The following MTA3 variants were observed in gnomAD, a reference collection of about 807,000 sequenced individuals.
MTA3 encodes metastasis-associated protein MTA3.
Under a neutral mutation model 83.5 loss-of-function variants are expected in MTA3, and 34 were observed. That is an observed-to-expected ratio of 0.41 (90% CI 0.31 to 0.54). The LOEUF is 0.54. MTA3 is among the 20% of genes least tolerant of loss of function. MTA3 has a pLI of 0.33. For missense variants in MTA3, 761 were observed against 726.4 expected, an observed-to-expected ratio of 1.05 and a Z score of -0.55; for synonymous variants, 303 against 252.7, an observed-to-expected ratio of 1.20 and a Z score of -1.89.
chr2:42,642,456 G>C (rs1687776881), intron 5 of MTA3, among the ~76,000 whole-genome samples: 1 of 151,738 alleles, frequency 6.6e-6, no homozygotes, highest in African/African-American at 2.4e-5. Flanking sequence ...AGGAGTTTGA[G>C]ACCAGCCCAG....
intron 2 of MTA3, among the ~76,000 whole-genome samples, chr2:42,522,806 CT>C (rs1173170546): frequency 3.3e-3 from 388 of 116,146 alleles, no homozygotes; most frequent in Middle Eastern, 0.013. Context: ...AACATGTGGT[CT>C]TTTTTTTTTT....
At chr2:42,690,627 C>G (rs1265459097) in intron 9 of MTA3, among the ~76,000 whole-genome samples, 2 of 147,588 alleles carry the variant, frequency 1.4e-5, no homozygotes, top group African/African-American at 4.9e-5. Flanking sequence ...TTAGATTTTT[C>G]AGGTTCATAG....
intron 3 of MTA3, among the ~76,000 whole-genome samples, chr2:42,582,825 T>C (rs1679824082): frequency 6.6e-6 from 1 of 152,152 alleles, no homozygotes; most frequent in African/African-American, 2.4e-5. Context: ...AAAATAAATT[T>C]TAAGGAACTT....
intron 4 of MTA3, among the ~76,000 whole-genome samples, chr2:42,624,619 C>T (rs1383962256): frequency 6.6e-6 from 1 of 151,940 alleles, no homozygotes; most frequent in Non-Finnish European, 1.5e-5. Flanking sequence ...AGCCACTGTG[C>T]CCAGCCTCTT....
At chr2:42,726,477 GT>G (rs1347612088) in intron 16 of MTA3, among the ~76,000 whole-genome samples, 1 of 151,856 alleles carries the variant, frequency 6.6e-6, no homozygotes, top group East Asian at 1.9e-4. Flanking sequence ...TTAGCATTAG[GT>G]ATACCTCCTA....
chr2:42,705,750 A>G (rs1387419768), intron 12 of MTA3, among the ~76,000 whole-genome samples: 1 of 151,678 alleles, frequency 6.6e-6, no homozygotes, highest in Non-Finnish European at 1.5e-5. Context: ...CCCCTTTCAC[A>G]CTCACGTATA....
chr2:42,746,538 C>G (rs1299006707), intron 16 of MTA3, among the ~76,000 whole-genome samples: 1 of 152,186 alleles, frequency 6.6e-6, no homozygotes, highest in East Asian at 1.9e-4. Context: ...ATTGAGGGCT[C>G]TCCCAGTCCC....
At chr2:42,681,623 C>T (rs1691920897) in intron 8 of MTA3, among the ~76,000 whole-genome samples, 1 of 152,176 alleles carries the variant, frequency 6.6e-6, no homozygotes, top group Admixed American at 6.5e-5. Context: ...AGCATTCCTC[C>T]CACCCCAGCC....
intron 2 of MTA3, among the ~76,000 whole-genome samples, chr2:42,578,526 C>A (rs1374167190): frequency 6.6e-6 from 1 of 152,136 alleles, no homozygotes; most frequent in Non-Finnish European, 1.5e-5. Flanking sequence ...GATTCATAGA[C>A]TTCCTTGGTG....
chr2:42,551,672 G>A (rs569386361), intron 2 of MTA3, among the ~76,000 whole-genome samples: 1 of 152,234 alleles, frequency 6.6e-6, no homozygotes, highest in African/African-American at 2.4e-5. Flanking sequence ...GTGACACAGA[G>A]TGCTGGGGAG....
At chr2:42,602,600 T>G (rs1256003534) in intron 3 of MTA3, among the ~76,000 whole-genome samples, 1 of 152,198 alleles carries the variant, frequency 6.6e-6, no homozygotes, top group Non-Finnish European at 1.5e-5. Flanking sequence ...ACCATAAGTT[T>G]AATGCTTCAT....
chr2:42,616,314 T>C (rs1237787521), intron 4 of MTA3, among the ~76,000 whole-genome samples: 2 of 151,682 alleles, frequency 1.3e-5, no homozygotes, highest in Non-Finnish European at 2.9e-5. Context: ...CTGCCTGCTT[T>C]GGCCTCCCAA....
chr2:42,530,127 G>C (rs1675890119), intron 2 of MTA3, among the ~76,000 whole-genome samples: 1 of 151,260 alleles, frequency 6.6e-6, no homozygotes, highest in Non-Finnish European at 1.5e-5. Context: ...AGAGGTTGCA[G>C]TGAGCCAAGA....
intron 4 of MTA3, among the ~76,000 whole-genome samples, chr2:42,617,890 G>A (rs1001096329): frequency 6.6e-6 from 1 of 151,800 alleles, no homozygotes; most frequent in Admixed American, 6.6e-5. Context: ...AGTATGGCTG[G>A]TTCTGATGAA....
At chr2:42,530,254 C>A (rs1675897705) in intron 2 of MTA3, among the ~76,000 whole-genome samples, 1 of 151,622 alleles carries the variant, frequency 6.6e-6, no homozygotes, top group African/African-American at 2.4e-5. Context: ...CTTTGGGAGG[C>A]CAAGACAGGC....
intron 15 of MTA3, among the ~76,000 whole-genome samples, chr2:42,722,005 C>T (rs1385475886): frequency 6.6e-6 from 1 of 152,126 alleles, no homozygotes; most frequent in African/African-American, 2.4e-5. Flanking sequence ...ATGGCTTTTC[C>T]TAAATTCCAG....
At position 42,741,868 on chromosome 2, in the gene MTA3, G is replaced by A. The variant is rs114832184; in HGVS notation, c.1760-11506G>A. ...ATTGTAAGAATTACCAAAATGTGAC[G>A]CAGAGACATTAGGTGAGCACGTGCT... On this transcript the variant is annotated intron_variant, in intron 16 of 16. Transcript: ENST00000405094. Among the ~76,000 whole-genome samples the A allele has an allele frequency of 6.0e-3, 918 of 152,244 alleles. 11 individuals carry two copies. Among genetic ancestry groups the A allele is most frequent in the African/African-American group, 0.021 (877 of 41,542 alleles).
Position 42,578,291 on chromosome 2 carries a change from C to T in MTA3, c.97-816C>T, listed in dbSNP as rs1454298457. On this transcript the variant is annotated intron_variant, in intron 2 of 16. Coordinates refer to ENST00000405094, the MANE Select transcript of MTA3 (RefSeq NM_001330442.2). The stretch of plus-strand genomic sequence containing the variant: ...GACCTTCTTGAGAGCTCTCAGAATT[C>T]TAGAGAATAGGAGAGCAGGAGCCTG... Among the ~76,000 whole-genome samples the T allele has an allele frequency of 2.6e-5, 4 of 152,090 alleles. No homozygotes were observed. In the East Asian group the frequency reaches 7.7e-4, roughly 29 times the overall value.
intron 8 of MTA3, among the ~76,000 whole-genome samples, chr2:42,679,840 G>T (rs2056801): frequency 0.72 from 101,078 of 140,346 alleles, 35,370 homozygotes; most frequent in African/African-American, 0.88. Context: ...GCTGTGTGTT[G>T]TTTTTTTTTT....
Sources: gnomAD v4.1 joint callset for allele counts (sites outside exome capture counted in the v4.1 genomes callset) on GRCh38, gnomAD v4.1.1 for gene constraint, MANE v1.5 for transcripts, NCBI Gene and HGNC (gene_info 2026-07-23, HGNC 2026-07-21) for gene names.